RTKN2: variants seen among roughly 807,000 people sequenced by gnomAD.
RTKN2 encodes the protein rhotekin-2.
In RTKN2, 69 loss-of-function variants were observed where a neutral mutation model predicts 71.5. That is an observed-to-expected ratio of 0.96 (90% confidence interval 0.79 to 1.18). The LOEUF is 1.18. Ranked by LOEUF, RTKN2 falls within the 50% of genes most tolerant of loss-of-function variation. RTKN2 has a pLI of 0.00. For synonymous variants in RTKN2, 236 were observed against 236.5 expected (o/e 1.00, Z 0.02); for missense variants, 724 against 719.7 (o/e 1.01, Z -0.07).
At chr10:62,249,257 G>T (rs1031652338) in intron 2 of RTKN2, among the ~76,000 whole-genome samples, 1 of 151,966 alleles carries the variant, frequency 6.6e-6, no homozygotes, top group Non-Finnish European at 1.5e-5. Flanking sequence ...TCACAATTAT[G>T]TTGAATGACA....
downstream of RTKN2, among the ~76,000 whole-genome samples, chr10:62,188,713 C>T (rs573200376): frequency 6.6e-6 from 1 of 151,612 alleles, no homozygotes; most frequent in Non-Finnish European, 1.5e-5. Flanking sequence ...CTTTTCATTC[C>T]CACTATATTT....
rs985423716 is a variant in RTKN2 at position 62,195,676 on chromosome 10, C to T, written c.*2232G>A. The T allele has an allele frequency of 1.2e-5, 11 of 947,678 alleles. No homozygotes were observed. In the African/African-American group the frequency reaches 1.8e-4, roughly 16 times the overall value. 58.7% of individuals were successfully genotyped at this position (947,678 alleles called of 1,614,324 possible). A position where few individuals can be genotyped will look rare whatever the true frequency, so the allele number is the denominator to read the frequency against. On this transcript the variant is annotated 3_prime_UTR_variant, in exon 12 of 12. Coordinates refer to ENST00000373789, the MANE Select transcript of RTKN2 (RefSeq NM_145307.4). ...GAAGGAAGGAAGGAAGGAAGGAAAC[C>T]AACTCTGTATTATAACTACACTCCT...
At position 62,262,702 on chromosome 10, in the gene RTKN2, C is replaced by A. The variant is rs1291696414; in HGVS notation, c.180G>T (p.Val60=). The change falls in exon 2 of 12, where the codon GTG becomes GTT. Residue 60 remains valine (V), a synonymous_variant. Coordinates refer to ENST00000373789, the MANE Select transcript of RTKN2 (RefSeq NM_145307.4). ...QVLHAVKNLM[V]CNARLMAYTS... is the part of the protein sequence containing the mutation. Reference sequence around the variant, plus strand: ...TATAGGCCATTAGTCGAGCATTGCACACCATGAGATTCTTAACTGCATGTA... The same window carrying A: ...TATAGGCCATTAGTCGAGCATTGCAAACCATGAGATTCTTAACTGCATGTA... The A allele has an allele frequency of 6.2e-7, 1 of 1,613,434 alleles. No individual in the cohort carries two copies. The highest frequency in any genetic ancestry group is 8.5e-7 in the Non-Finnish European group (1 of 1,179,590).
intron 9 of RTKN2, among the ~76,000 whole-genome samples, chr10:62,212,113 A>AAAT (rs1554809347): frequency 2.0e-5 from 3 of 151,556 alleles, no homozygotes; most frequent in Non-Finnish European, 4.4e-5. Flanking sequence ...TTAAAAAAAA[A>AAAT]ATATATATAT....
intron 7 of RTKN2, among the ~76,000 whole-genome samples, chr10:62,222,404 ACCTAG>A (rs1841929551): frequency 2.0e-5 from 3 of 151,866 alleles, no homozygotes; most frequent in African/African-American, 7.3e-5. Flanking sequence ...GAGCCACCAC[ACCTAG>A]CCTCATAATT....
In RTKN2 at chr10:62,262,616, G is replaced by C. The variant is rs770800006; in HGVS notation, c.257+9C>G. 1 of 1,573,260 alleles carries C rather than the reference G, an allele frequency of 6.4e-7. No individual in the cohort carries two copies. The highest frequency in any genetic ancestry group is 8.7e-7 in the Non-Finnish European group (1 of 1,150,126). ...ACATTAAAAGCCACAGGTAAACTAT[G>C]TTACTAACCATCTTCCAGTCTGATT... On this transcript the variant is annotated intron_variant, in intron 2 of 11. Transcript: ENST00000373789.
chr10:62,238,912 A>T (rs1036891130), intron 5 of RTKN2: 2 of 152,048 alleles, frequency 1.3e-5, no homozygotes, highest in Non-Finnish European at 2.9e-5. Flanking sequence ...AGATCTAAAG[A>T]TCGTGTCTTT....
In RTKN2 at chr10:62,268,637, G is replaced by A. The variant is rs1842912820; in HGVS notation, c.-27C>T. ...TCCAACGCGAACTGTCCGGGCCGTC[G>A]CCACTCCTTCAAAGGGAAGATTTGA... On this transcript the variant is annotated 5_prime_UTR_variant, in exon 1 of 12. Coordinates refer to ENST00000373789, the MANE Select transcript of RTKN2 (RefSeq NM_145307.4). The A allele has an allele frequency of 3.2e-6, 5 of 1,548,828 alleles. No homozygotes were observed. The highest frequency in any genetic ancestry group is 4.9e-5 in the East Asian group (2 of 40,882).
At chr10:62,224,981 G>GAAAAAAA (rs1436757412) in intron 6 of RTKN2, among the ~76,000 whole-genome samples, 2 of 152,144 alleles carry the variant, frequency 1.3e-5, no homozygotes, top group Non-Finnish European at 2.9e-5. Flanking sequence ...ATAAAAAGTG[G>GAAAAAAA]AATGATAGGG....
In RTKN2 at chr10:62,197,843, A is replaced by G; in HGVS notation, c.*65T>C. On this transcript the variant is annotated 3_prime_UTR_variant, in exon 12 of 12. Transcript: ENST00000373789. ...TACCTATATAATTACACATTATTCT[A>G]TAATGCCTCTGAATTAAGCTTCACA... The G allele has an allele frequency of 6.7e-7, 1 of 1,503,620 alleles. No individual in the cohort carries two copies. The highest frequency in any genetic ancestry group is 1.4e-5 in the South Asian group (1 of 73,052). 93.1% of individuals were successfully genotyped at this position (1,503,620 alleles called of 1,614,324 possible).
chr10:62,214,470 T>G (rs10995090), intron 9 of RTKN2, among the ~76,000 whole-genome samples: 16,052 of 152,206 alleles, frequency 0.11, 892 homozygotes, highest in Non-Finnish European at 0.12. Flanking sequence ...TGCCACTGAT[T>G]GACTACAAAA....
At chr10:62,255,827 T>C (rs535321978) in intron 2 of RTKN2, among the ~76,000 whole-genome samples, 4 of 152,316 alleles carry the variant, frequency 2.6e-5, no homozygotes, top group Admixed American at 6.5e-5. Flanking sequence ...ATTGCATCAA[T>C]TGGGAGCATA....
At chr10:62,247,183 G>A (rs1842495498) in intron 2 of RTKN2, among the ~76,000 whole-genome samples, 1 of 151,880 alleles carries the variant, frequency 6.6e-6, no homozygotes, top group Non-Finnish European at 1.5e-5. Context: ...TTTGGAAGAG[G>A]ATGACAGCAA....
At chr10:62,232,226 T>C (rs574924461) in intron 6 of RTKN2, among the ~76,000 whole-genome samples, 32 of 152,172 alleles carry the variant, frequency 2.1e-4, no homozygotes, top group South Asian at 1.2e-3. Flanking sequence ...TGGCTGTCTA[T>C]TAAAAAGAAC....
chr10:62,265,055 T>A (rs546356238), intron 1 of RTKN2, among the ~76,000 whole-genome samples: 1 of 151,756 alleles, frequency 6.6e-6, no homozygotes, highest in South Asian at 2.1e-4. Context: ...TCCATAAAAC[T>A]ATAGAAGCTT....
intron 6 of RTKN2, among the ~76,000 whole-genome samples, chr10:62,228,250 A>G (rs1220050475): frequency 6.6e-6 from 1 of 152,254 alleles, no homozygotes; most frequent in African/African-American, 2.4e-5. Flanking sequence ...TGAACAAAGG[A>G]GACAAGCAAT....
At chr10:62,208,441 G>A (rs942640953) in intron 9 of RTKN2, among the ~76,000 whole-genome samples, 11 of 152,154 alleles carry the variant, frequency 7.2e-5, no homozygotes, top group African/African-American at 2.7e-4. Context: ...CTAGGGTTAT[G>A]TCAAAAGGAT....
At chr10:62,265,327 CAG>C (rs1842850387) in intron 1 of RTKN2, among the ~76,000 whole-genome samples, 1 of 152,118 alleles carries the variant, frequency 6.6e-6, no homozygotes, top group Non-Finnish European at 1.5e-5. Flanking sequence ...GCTACAAGGG[CAG>C]AGTTGAGCAA....
At position 62,194,340 on chromosome 10, in the gene RTKN2, A is replaced by T; in HGVS notation, c.*3568T>A. 2.0e-6 allele frequency: 2 copies of T among 984,796 alleles called. No individual in the cohort carries two copies. Among genetic ancestry groups the T allele is most frequent in the Non-Finnish European group, 2.4e-6 (2 of 829,318 alleles). 61.0% of individuals were successfully genotyped at this position (984,796 alleles called of 1,614,324 possible). A position where few individuals can be genotyped will look rare whatever the true frequency, so the allele number is the denominator to read the frequency against. On this transcript the variant is annotated 3_prime_UTR_variant, in exon 12 of 12. Coordinates refer to ENST00000373789, the MANE Select transcript of RTKN2 (RefSeq NM_145307.4). The stretch of plus-strand genomic sequence containing the variant: ...AGCAGTTGCACACAAACATGTAAAC[A>T]TATGTAAACATTTAAAAATAGTGAT...
Sources: gnomAD v4.1 joint callset for allele counts (sites outside exome capture counted in the v4.1 genomes callset) on GRCh38, gnomAD v4.1.1 for gene constraint, MANE v1.5 for transcripts, NCBI Gene and HGNC (gene_info 2026-07-23, HGNC 2026-07-21) for gene names.